Variants in UHRF2 observed in about 807,000 individuals in gnomAD.
UHRF2 encodes E3 ubiquitin-protein ligase UHRF2.
Under a neutral mutation model 96.8 loss-of-function variants are expected in UHRF2, and 23 were observed. The ratio of observed to expected loss-of-function variants is 0.24; its 90% confidence interval spans 0.17 to 0.34. UHRF2 has a LOEUF of 0.34. UHRF2 is among the 10% of genes least tolerant of loss of function. UHRF2 has a pLI of 1.00. For missense variants in UHRF2, 685 were observed against 981.5 expected, an observed-to-expected ratio of 0.70 and a Z score of 4.04; for synonymous variants, 385 against 332.6, an observed-to-expected ratio of 1.16 and a Z score of -1.72.
intron 8 of UHRF2, among the ~76,000 whole-genome samples, chr9:6,482,560 A>G (rs1009461968): frequency 7.3e-5 from 11 of 151,516 alleles, no homozygotes; most frequent in African/African-American, 2.7e-4. Flanking sequence ...ATTTCCAATT[A>G]CAGACACCCA....
chr9:6,413,946 T>G, intron 1 of UHRF2: 3 of 230,882 alleles, frequency 1.3e-5, no homozygotes, highest in Non-Finnish European at 1.7e-5. Context: ...GGTGCCCAGG[T>G]CCCTCGCTTC....
At chr9:6,499,719 T>G in intron 12 of UHRF2, 116 bp from the exon 13 acceptor site, 1 of 547,004 alleles carries the variant, frequency 1.8e-6, no homozygotes. Context: ...GTAAAGTTTT[T>G]CAGTTTGGGG....
intron 3 of UHRF2, 118 bp downstream of exon 3, chr9:6,434,291 A>G: frequency 1.5e-6 from 2 of 1,303,998 alleles, no homozygotes; most frequent in South Asian, 1.6e-5. Context: ...GGTTATGTTC[A>G]TTTGTTACTT....
At chr9:6,478,017 C>A (rs1480483907) in intron 6 of UHRF2, among the ~76,000 whole-genome samples, 1 of 152,186 alleles carries the variant, frequency 6.6e-6, no homozygotes, top group African/African-American at 2.4e-5. Flanking sequence ...CCTTCCGTTT[C>A]TTCTCTGATA....
intron 3 of UHRF2, among the ~76,000 whole-genome samples, chr9:6,459,366 C>T (rs1050192994): frequency 1.4e-4 from 21 of 152,246 alleles, no homozygotes; most frequent in African/African-American, 5.1e-4. Context: ...ATCATCTAGT[C>T]CTGTTAAAAC....
rs1413372490 is a variant in UHRF2 at position 6,506,128 on chromosome 9, T to G, written c.2358T>G (p.Ile786Met). The G allele has an allele frequency of 1.9e-6, 3 of 1,614,098 alleles. No individual in the cohort carries two copies. In the African/African-American group the frequency reaches 4.0e-5, roughly 22 times the overall value. The stretch of plus-strand genomic sequence containing the variant: ...ATTACATCATGATTCCCAATGAGAT[T>G]CTGCAGACTCTACTTGACCTTTTCT... ...GQNYIMIPNE[I>M]LQTLLDLFFP... The change falls in exon 16 of 16, where the codon ATT becomes ATG. Residue 786 changes from isoleucine to methionine, a missense_variant. By Grantham distance (10) the Ile-to-Met change is conservative. Around this residue, in one of 6 missense-constraint regions of UHRF2, gnomAD observed 71 missense variants for 114.1 expected, o/e 0.62. Coordinates refer to ENST00000276893, the MANE Select transcript of UHRF2 (RefSeq NM_152896.3).
chr9:6,447,249 C>T (rs1233651510), intron 3 of UHRF2, among the ~76,000 whole-genome samples: 3 of 152,236 alleles, frequency 2.0e-5, no homozygotes, highest in Non-Finnish European at 4.4e-5. Flanking sequence ...AGATGTCAGG[C>T]GGTCATACTT....
intron 3 of UHRF2, among the ~76,000 whole-genome samples, chr9:6,454,603 C>T (rs1822071520): frequency 6.6e-6 from 1 of 151,854 alleles, no homozygotes; most frequent in Non-Finnish European, 1.5e-5. Flanking sequence ...GGATTAATAT[C>T]TATTTAATCG....
Position 6,421,105 on chromosome 9 carries a change from G to C in UHRF2, c.347G>C (p.Arg116Pro). 6.2e-7 allele frequency: 1 copy of C among 1,613,986 alleles called. No individual in the cohort carries two copies. The highest frequency in any genetic ancestry group is 8.5e-7 in the Non-Finnish European group (1 of 1,179,974). ...GPSNQPSTSA[R>P]ARLIDPGFGI... Reference sequence around the variant, plus strand: ...TCCAATCAGCCATCTACATCAGCTCGTGCCCGTCTTATTGATCCTGGCTTT... The same window carrying C: ...TCCAATCAGCCATCTACATCAGCTCCTGCCCGTCTTATTGATCCTGGCTTT... The change falls in exon 2 of 16, where the codon CGT (arginine) becomes CCT (proline). Residue 116 changes from arginine (R) to proline (P), a missense_variant. By Grantham distance (103) the Arg-to-Pro change is moderately radical (BLOSUM62 -2). Around this residue, in one of 6 missense-constraint regions of UHRF2, gnomAD observed 391 missense variants for 437.0 expected, o/e 0.89. Transcript: ENST00000276893.
chr9:6,443,919 G>A (rs1055247225), intron 3 of UHRF2, among the ~76,000 whole-genome samples: 5 of 152,334 alleles, frequency 3.3e-5, no homozygotes, highest in Non-Finnish European at 7.4e-5. Flanking sequence ...TGTGGTACAT[G>A]ATTTTGAGTA....
intron 4 of UHRF2, among the ~76,000 whole-genome samples, chr9:6,467,854 T>A (rs73639304): frequency 6.6e-6 from 1 of 152,120 alleles, no homozygotes; most frequent in African/African-American, 2.4e-5. Flanking sequence ...TGCTTTTTTT[T>A]CCTTATACCC....
intron 3 of UHRF2, among the ~76,000 whole-genome samples, chr9:6,438,976 A>G (rs1821004508): frequency 6.6e-6 from 1 of 152,216 alleles, no homozygotes. Flanking sequence ...AAAATTTAAG[A>G]TATAGTAGAA....
chr9:6,446,354 G>C (rs1821503328), intron 3 of UHRF2, among the ~76,000 whole-genome samples: 1 of 151,516 alleles, frequency 6.6e-6, no homozygotes, highest in Admixed American at 6.6e-5. Flanking sequence ...TGTTGGCCAG[G>C]CTGGTCTCGA....
At chr9:6,470,358 CA>C (rs35859975) in intron 4 of UHRF2, among the ~76,000 whole-genome samples, 6,640 of 94,504 alleles carry the variant, frequency 0.07, 146 homozygotes, top group Middle Eastern at 0.17. Context: ...GACTCCATCT[CA>C]AAAAAAAAAA....
At chr9:6,502,821 T>G (rs1816373404) in intron 14 of UHRF2, among the ~76,000 whole-genome samples, 1 of 152,158 alleles carries the variant, frequency 6.6e-6, no homozygotes, top group African/African-American at 2.4e-5. Context: ...AGAGAGTACC[T>G]GTTATAAAGT....
chr9:6,449,616 A>G (rs964337339), intron 3 of UHRF2: 4 of 152,246 alleles, frequency 2.6e-5, no homozygotes, highest in South Asian at 2.1e-4. Context: ...GTCAGCTTAT[A>G]TGGGTTGGCC....
intron 6 of UHRF2, among the ~76,000 whole-genome samples, chr9:6,480,359 A>G (rs1415071888): frequency 6.6e-6 from 1 of 152,330 alleles, no homozygotes; most frequent in Non-Finnish European, 1.5e-5. Context: ...AAACATTTTT[A>G]TCACAAACAT....
At chr9:6,500,313 C>T (rs1317208490) in intron 13 of UHRF2, among the ~76,000 whole-genome samples, 2 of 152,076 alleles carry the variant, frequency 1.3e-5, no homozygotes, top group African/African-American at 2.4e-5. Context: ...TAAATTGAGA[C>T]TTAAATGAAA....
At chr9:6,465,465 G>A (rs541378) in intron 4 of UHRF2, among the ~76,000 whole-genome samples, 77,399 of 151,894 alleles carry the variant, frequency 0.51, 21,160 homozygotes, top group Non-Finnish European at 0.61. Context: ...TTTATGGTCA[G>A]TTCGGTTTCT....
Sources: allele counts gnomAD v4.1 joint callset (sites outside exome capture counted in the v4.1 genomes callset), GRCh38; gene constraint gnomAD v4.1.1; regional missense constraint gnomAD v4.1.1; transcripts MANE v1.5; gene names NCBI Gene and HGNC (gene_info 2026-07-23, HGNC 2026-07-21).